The following DNAJB6 variants were observed in gnomAD, a reference collection of about 807,000 sequenced individuals.
The protein encoded by DNAJB6 is dnaJ homolog subfamily B member 6.
Under a neutral mutation model 42.7 loss-of-function variants are expected in DNAJB6, and 16 were observed. That is an observed-to-expected ratio of 0.37 (90% confidence interval 0.25 to 0.57). The LOEUF is 0.57. Ranked by LOEUF, DNAJB6 falls within the 20% of genes least tolerant of loss-of-function variation. The probability of loss-of-function intolerance (pLI) is 0.74; values close to 1 mark genes in which losing one functional copy is unlikely to be tolerated. For synonymous variants in DNAJB6, 170 were observed against 163.5 expected (o/e 1.04, Z -0.30); for missense variants, 347 against 416.8 (o/e 0.83, Z 1.46).
At position 157,404,466 on chromosome 7, in the gene DNAJB6, C is replaced by CTT. The variant is rs55793060; in HGVS notation, c.692-5311_692-5310dup. Among the ~76,000 whole-genome samples, 64 of 103,184 alleles carry CTT rather than the reference C, an allele frequency of 6.2e-4. No individual in the cohort carries two copies. The East Asian group carries it at 0.014, about 23-fold the overall frequency. 67.7% of individuals were successfully genotyped at this position (103,184 alleles called of 152,430 possible). ...AACAGCGCACTGGGCTAATTTTTGT[C>CTT]TTTTTTTTTTTTTTTTTTTGATAGA... On this transcript the variant is annotated intron_variant, in intron 8 of 9. Coordinates refer to ENST00000262177, the MANE Select transcript of DNAJB6 (RefSeq NM_058246.4).
At position 157,367,500 on chromosome 7, in the gene DNAJB6, G is replaced by T; in HGVS notation, c.346+17G>T. ...ACTTCTTTGGTAAGTTAATCACGTGGGTTGACTTGGTGTGTGTCCATGACC... is the reference window on the plus strand; with the variant it reads ...ACTTCTTTGGTAAGTTAATCACGTGTGTTGACTTGGTGTGTGTCCATGACC... On this transcript the variant is annotated intron_variant, in intron 5 of 9. Coordinates refer to ENST00000262177, the MANE Select transcript of DNAJB6 (RefSeq NM_058246.4). 2 of 1,452,656 alleles carry T rather than the reference G, an allele frequency of 1.4e-6. No homozygotes were observed. Among genetic ancestry groups the T allele is most frequent in the South Asian group, 1.1e-5 (1 of 87,852 alleles). The allele number at this position is 1,452,656 out of a possible 1,614,324, so 90.0% of individuals were successfully genotyped here. A position where few individuals can be genotyped will look rare whatever the true frequency, so the allele number is the denominator to read the frequency against.
In DNAJB6 at chr7:157,403,829, C is replaced by T. The variant is rs368414167; in HGVS notation, c.692-5966C>T. 7.9e-5 allele frequency among the ~76,000 whole-genome samples: 12 copies of T among 152,358 alleles called. No individual in the cohort carries two copies. The East Asian group carries it at 2.3e-3, about 29-fold the overall frequency. On this transcript the variant is annotated intron_variant, in intron 8 of 9. Transcript: ENST00000262177. ...GGGCTTTAGGGGGAAGCGCAGCCCA[C>T]CCTGTGTGGACTCGCAGCGGAAGCA...
chr7:157,343,558 G>A (rs1162462359), intron 1 of DNAJB6, among the ~76,000 whole-genome samples: 2 of 151,866 alleles, frequency 1.3e-5, no homozygotes, highest in East Asian at 1.9e-4. Context: ...AAACTCTCCC[G>A]GGTTCAAGCA....
chr7:157,349,891 C>A (rs768801356), intron 1 of DNAJB6, among the ~76,000 whole-genome samples: 3 of 152,132 alleles, frequency 2.0e-5, no homozygotes, highest in Non-Finnish European at 4.4e-5. Flanking sequence ...GATCTGTCCG[C>A]CTCAGCCTCC....
At chr7:157,383,752 A>G (rs73503301) in intron 6 of DNAJB6, among the ~76,000 whole-genome samples, 3,417 of 152,186 alleles carry the variant, frequency 0.022, 155 homozygotes, top group East Asian at 0.18. Flanking sequence ...AGCCACGTGT[A>G]GCTCCTGAGC....
chr7:157,359,288 TAATA>T (rs2116952662), intron 2 of DNAJB6, among the ~76,000 whole-genome samples: 1 of 152,326 alleles, frequency 6.6e-6, no homozygotes, highest in African/African-American at 2.4e-5. Context: ...AAAAAATTGT[TAATA>T]AATAATGGAG....
chr7:157,397,980 C>G (rs1434373204), intron 8 of DNAJB6, among the ~76,000 whole-genome samples: 1 of 152,266 alleles, frequency 6.6e-6, no homozygotes. Flanking sequence ...CCACTGCACT[C>G]CAGTCTGGGC....
Position 157,382,337 on chromosome 7 carries a change from A to T in DNAJB6, c.438A>T (p.Gly146=), listed in dbSNP as rs112310856. 1.9e-6 allele frequency: 3 copies of T among 1,591,018 alleles called. No individual in the cohort carries two copies. The highest frequency in any genetic ancestry group is 1.7e-6 in the Non-Finnish European group (2 of 1,167,458). ...GGTCGTTTTTCTCTGCGTTCAGTGG[A>T]TTTCCGTCTTTTGGAAGTGGATTTT... ...GTGSFFSAFS[G]FPSFGSGFSS... is the part of the protein sequence containing the mutation. The change falls in exon 6 of 10, where the codon GGA becomes GGT. Residue 146 remains glycine (G), a synonymous_variant. Transcript: ENST00000262177.
intron 5 of DNAJB6, among the ~76,000 whole-genome samples, chr7:157,373,722 G>A (rs566048691): frequency 6.6e-6 from 1 of 152,296 alleles, no homozygotes; most frequent in Admixed American, 6.5e-5. Context: ...CAGCAGATTG[G>A]ATCGGTGTGT....
At chr7:157,402,247 C>CA (rs1213791542) in intron 8 of DNAJB6, among the ~76,000 whole-genome samples, 1 of 152,230 alleles carries the variant, frequency 6.6e-6, no homozygotes, top group Non-Finnish European at 1.5e-5. Context: ...AGGCGGGGTC[C>CA]ACCCTGGCCT....
chr7:157,371,325 T>C (rs1025871607), intron 5 of DNAJB6, among the ~76,000 whole-genome samples: 1 of 152,266 alleles, frequency 6.6e-6, no homozygotes, highest in Non-Finnish European at 1.5e-5. Context: ...ATTTCCGAGC[T>C]GCACTTTACA....
At chr7:157,409,510 G>T (rs1795893526) in intron 8 of DNAJB6, among the ~76,000 whole-genome samples, 1 of 152,250 alleles carries the variant, frequency 6.6e-6, no homozygotes, top group Non-Finnish European at 1.5e-5. Flanking sequence ...ACTCACTCTC[G>T]GAAGAGGCGT....
At chr7:157,353,408 A>C (rs775081672) in intron 1 of DNAJB6, among the ~76,000 whole-genome samples, 1 of 152,174 alleles carries the variant, frequency 6.6e-6, no homozygotes, top group African/African-American at 2.4e-5. Context: ...TGAATTTCTC[A>C]AAAGTAAGCA....
intron 8 of DNAJB6, among the ~76,000 whole-genome samples, chr7:157,387,578 T>C (rs999307372): frequency 6.6e-6 from 1 of 152,168 alleles, no homozygotes; most frequent in African/African-American, 2.4e-5. Context: ...TGTCCAGAAA[T>C]ACCAGGAAAA....
At chr7:157,389,945 C>T (rs1215249815) in intron 8 of DNAJB6, among the ~76,000 whole-genome samples, 1 of 152,208 alleles carries the variant, frequency 6.6e-6, no homozygotes, top group Non-Finnish European at 1.5e-5. Flanking sequence ...CAGGGCAGAC[C>T]CCTGACTGCG....
At chr7:157,364,099 A>T (rs753399807) in intron 3 of DNAJB6, among the ~76,000 whole-genome samples, 35 of 152,080 alleles carry the variant, frequency 2.3e-4, no homozygotes, top group Non-Finnish European at 4.7e-4. Flanking sequence ...TTACAACAAA[A>T]AAAATTTTTT....
chr7:157,352,049 T>G lies in DNAJB6; in HGVS notation c.-26-6498T>G, dbSNP rs923561775. On this transcript the variant is annotated intron_variant, in intron 1 of 9. Coordinates refer to ENST00000262177, the MANE Select transcript of DNAJB6 (RefSeq NM_058246.4). ...AACAAAACTTCTCAATTTAAAATAT[T>G]TACTCCAATTTGTGGCTCACGCCTG... 6.6e-5 allele frequency among the ~76,000 whole-genome samples: 10 copies of G among 151,960 alleles called. No individual in the cohort carries two copies. The East Asian group carries it at 1.9e-3, about 30-fold the overall frequency.
At chr7:157,340,613 G>C (rs1474296491) in intron 1 of DNAJB6, among the ~76,000 whole-genome samples, 2 of 151,942 alleles carry the variant, frequency 1.3e-5, no homozygotes, top group Non-Finnish European at 2.9e-5. Context: ...ATAAATCACT[G>C]TTGACCTGTT....
intron 1 of DNAJB6, among the ~76,000 whole-genome samples, chr7:157,353,513 GGAACCCAGA>G (rs1799106230): frequency 6.6e-6 from 1 of 151,776 alleles, no homozygotes; most frequent in African/African-American, 2.4e-5. Context: ...AACCATCCGA[GGAACCCAGA>G]TTGTATTTAG....
Sources: gnomAD v4.1 joint callset for allele counts (sites outside exome capture counted in the v4.1 genomes callset) on GRCh38, gnomAD v4.1.1 for gene constraint, MANE v1.5 for transcripts, NCBI Gene and HGNC (gene_info 2026-07-23, HGNC 2026-07-21) for gene names.